ROR1: variants seen among roughly 807,000 people sequenced by gnomAD.
ROR1 encodes the protein ROR family WNT receptor 1, also known as inactive tyrosine-protein kinase transmembrane receptor ROR1.
In ROR1, 19 loss-of-function variants were observed where a neutral mutation model predicts 78.8. The ratio of observed to expected loss-of-function variants is 0.24; its 90% CI spans 0.17 to 0.35. ROR1 has a LOEUF of 0.35. Among genes scored for constraint, ROR1 ranks in the 10% least tolerant of loss-of-function variants. ROR1 has a pLI of 1.00. For synonymous variants in ROR1, 386 were observed against 433.6 expected (o/e 0.89, Z 1.36); for missense variants, 917 against 1,177.8 (o/e 0.78, Z 3.24).
At chr1:64,149,170 T>TA in intron 7 of ROR1, among the ~76,000 whole-genome samples, 1 of 152,342 alleles carries the variant, frequency 6.6e-6, no homozygotes, top group South Asian at 2.1e-4. Context: ...TGGTGCTCAA[T>TA]AAAATGTGTT....
At chr1:64,079,902 A>G (rs1476096461) in intron 4 of ROR1, among the ~76,000 whole-genome samples, 1 of 152,190 alleles carries the variant, frequency 6.6e-6, no homozygotes, top group Non-Finnish European at 1.5e-5. Flanking sequence ...TAGTTTGAGA[A>G]AAATACACAT....
rs1479122213 is a variant in ROR1, at chr1:64,087,337, A to G, written c.482+36621A>G. ...AGTGGAAGGTTCACACCTGTTTGTA[A>G]TAACTGGCTTATACAAAACGTAAGT... is the stretch of plus-strand genomic sequence containing the variant. On this transcript the variant is annotated intron_variant, in intron 4 of 8. Coordinates refer to ENST00000371079, the MANE Select transcript of ROR1 (RefSeq NM_005012.4). Among the ~76,000 whole-genome samples the G allele has an allele frequency of 2.6e-5, 4 of 152,220 alleles. No individual in the cohort carries two copies. The East Asian group carries it at 7.7e-4, about 29-fold the overall frequency.
At chr1:63,889,590 G>A (rs1377043472) in intron 1 of ROR1, among the ~76,000 whole-genome samples, 3 of 152,144 alleles carry the variant, frequency 2.0e-5, no homozygotes, top group Non-Finnish European at 4.4e-5. Context: ...CCCCCGGATG[G>A]CTGTTTGCTC....
At chr1:64,028,898 A>T (rs1646637821) in intron 2 of ROR1, 1 of 152,150 alleles carries the variant, frequency 6.6e-6, no homozygotes, top group Non-Finnish European at 1.5e-5. Flanking sequence ...TGTTTTAAAA[A>T]TATGGAACAC....
intron 4 of ROR1, among the ~76,000 whole-genome samples, chr1:64,116,485 T>A (rs1286195126): frequency 6.6e-6 from 1 of 152,130 alleles, no homozygotes; most frequent in Non-Finnish European, 1.5e-5. Context: ...CCTCAAAAAG[T>A]ATAGCTCTTT....
chr1:64,159,239 T>A, intron 8 of ROR1, 47 bp downstream of exon 8: 1 of 1,398,132 alleles, frequency 7.2e-7, no homozygotes, highest in Non-Finnish European at 1.0e-6. Context: ...GGCTTCAAGT[T>A]AAAGCACCAT....
intron 1 of ROR1, among the ~76,000 whole-genome samples, chr1:63,834,697 G>T (rs1289329621): frequency 2.0e-5 from 3 of 152,124 alleles, no homozygotes; most frequent in Non-Finnish European, 4.4e-5. Context: ...CTAGCACTCA[G>T]TCTGGAAAAT....
intron 4 of ROR1, among the ~76,000 whole-genome samples, chr1:64,055,351 T>G (rs75802248): frequency 0.022 from 3,365 of 152,366 alleles, 77 homozygotes; most frequent in African/African-American, 0.064. Flanking sequence ...ATTGGTTAAT[T>G]TATCTTTTCT....
At chr1:64,015,494 TC>T (rs1375433750) in intron 2 of ROR1, among the ~76,000 whole-genome samples, 4 of 152,170 alleles carry the variant, frequency 2.6e-5, no homozygotes, top group African/African-American at 9.6e-5. Flanking sequence ...CTCCCTCTTG[TC>T]CCCACTCTGT....
intron 4 of ROR1, among the ~76,000 whole-genome samples, chr1:64,087,798 ATCAG>A (rs1647165971): frequency 6.6e-6 from 1 of 152,246 alleles, no homozygotes; most frequent in East Asian, 1.9e-4. Context: ...TGGAACTTTC[ATCAG>A]TCAGTCTGTC....
intron 1 of ROR1, among the ~76,000 whole-genome samples, chr1:63,888,496 G>T (rs898657227): frequency 6.6e-6 from 1 of 151,984 alleles, no homozygotes; most frequent in Non-Finnish European, 1.5e-5. Flanking sequence ...TGGTGCATGT[G>T]CCTGTGGTCC....
At chr1:63,889,751 C>T (rs924087164) in intron 1 of ROR1, among the ~76,000 whole-genome samples, 1 of 152,102 alleles carries the variant, frequency 6.6e-6, no homozygotes, top group African/African-American at 2.4e-5. Flanking sequence ...GGTGATTTAT[C>T]ATTGGCTTTT....
chr1:63,854,987 T>A (rs930919445), intron 1 of ROR1, among the ~76,000 whole-genome samples: 17 of 152,036 alleles, frequency 1.1e-4, no homozygotes, highest in African/African-American at 3.9e-4. Flanking sequence ...TTGTATTATT[T>A]ATTATTATTA....
chr1:63,834,424 A>C (rs1426470214), intron 1 of ROR1, among the ~76,000 whole-genome samples: 1 of 152,132 alleles, frequency 6.6e-6, no homozygotes, highest in African/African-American at 2.4e-5. Context: ...ATGTTCAAAC[A>C]TATTTGATTT....
At chr1:64,123,676 A>C (rs1648619756) in intron 4 of ROR1, among the ~76,000 whole-genome samples, 1 of 95,078 alleles carries the variant, frequency 1.1e-5, no homozygotes, top group Non-Finnish European at 2.2e-5. Flanking sequence ...AAGGATAAAA[A>C]ACGAGGTATG....
intron 1 of ROR1, among the ~76,000 whole-genome samples, chr1:63,989,233 C>T (rs1349764660): frequency 2.7e-5 from 4 of 149,654 alleles, no homozygotes; most frequent in Admixed American, 6.7e-5. Flanking sequence ...AAACCTGGCT[C>T]AGCCACATAC....
At chr1:64,101,138 T>C (rs1048951746) in intron 4 of ROR1, among the ~76,000 whole-genome samples, 1 of 152,132 alleles carries the variant, frequency 6.6e-6, no homozygotes, top group African/African-American at 2.4e-5. Flanking sequence ...TCTACAATGG[T>C]TCTAAAAAAG....
chr1:63,868,020 G>A (rs766191793), intron 1 of ROR1, among the ~76,000 whole-genome samples: 1 of 152,216 alleles, frequency 6.6e-6, no homozygotes, highest in Non-Finnish European at 1.5e-5. Context: ...GATCCCAGGC[G>A]TGGCTGGAGT....
rs1646942065 is a variant in ROR1 at position 64,064,579 on chromosome 1, T to C, written c.482+13863T>C. ...AACAGCACTCATACCCCAGATTGAT[T>C]TCCATGCCACTAGAAAGCCGAGCCT... On this transcript the variant is annotated intron_variant, in intron 4 of 8. Coordinates refer to ENST00000371079, the MANE Select transcript of ROR1 (RefSeq NM_005012.4). Among the ~76,000 whole-genome samples the C allele has an allele frequency of 2.6e-5, 4 of 152,326 alleles. No homozygotes were observed. The South Asian group carries it at 8.3e-4, about 32-fold the overall frequency.
Sources: allele counts gnomAD v4.1 joint callset (sites outside exome capture counted in the v4.1 genomes callset), GRCh38; gene constraint gnomAD v4.1.1; transcripts MANE v1.5; gene names NCBI Gene and HGNC (gene_info 2026-07-23, HGNC 2026-07-21).